Variants in MTOR observed in about 807,000 individuals in gnomAD.
MTOR encodes serine/threonine-protein kinase mTOR.
A neutral mutation model predicts 319.8 loss-of-function variants in MTOR; 70 were observed. That is an observed-to-expected ratio of 0.22 (90% confidence interval 0.18 to 0.27). The LOEUF is 0.27. Among genes scored for constraint, MTOR ranks in the 10% least tolerant of loss-of-function variants. The pLI is 1.00. For missense variants in MTOR, 1,890 were observed against 3,274.4 expected (o/e 0.58, Z 10.32); for synonymous variants, 1,183 against 1,211.4 (o/e 0.98, Z 0.49).
intron 28 of MTOR, chr1:11,195,263 C>CT: frequency 2.2e-6 from 1 of 456,036 alleles, no homozygotes; most frequent in Non-Finnish European, 3.9e-6. Flanking sequence ...AGGTGGTAGA[C>CT]TGAGTGGGGT....
intron 19 of MTOR, among the ~76,000 whole-genome samples, chr1:11,217,670 C>T (rs1646516970): frequency 6.6e-6 from 1 of 151,656 alleles, no homozygotes; most frequent in Non-Finnish European, 1.5e-5. Context: ...CTTGCCCTCC[C>T]AAAGTGCTGC....
Position 11,234,168 on chromosome 1 carries a change from C to T in MTOR, c.2306G>A (p.Arg769His), listed in dbSNP as rs753826002. The change falls in exon 14 of 58, where the codon CGC becomes CAC. Residue 769 changes from arginine (R) to histidine (H), a missense_variant. Physicochemically the swap from Arg to His is conservative, Grantham distance 29. This residue lies in a region of MTOR where 377 missense variants were observed against 653.9 expected (regional missense o/e 0.58). Transcript: ENST00000361445. ...CTTCAGAATAGGCTCCATGTAGGGG[C>T]GGATGAGTCGGGGGGCATTGGAGAC... ...HLVSNAPRLI[R>H]PYMEPILKAL... 3.7e-6 allele frequency: 6 copies of T among 1,614,144 alleles called. No homozygotes were observed. Among genetic ancestry groups the T allele is most frequent in the South Asian group, 1.1e-5 (1 of 91,080 alleles).
chr1:11,213,589 G>A (rs770777139), intron 20 of MTOR, 23 bp from the exon 21 acceptor site: 1 of 1,610,298 alleles, frequency 6.2e-7, no homozygotes, highest in Non-Finnish European at 8.5e-7. Context: ...AAAAGTCAGA[G>A]GAGCTGAGTC....
At chr1:11,255,893 T>C (rs1650339810) in intron 5 of MTOR, 99 bp downstream of exon 5, 1 of 1,143,914 alleles carries the variant, frequency 8.7e-7, no homozygotes, top group Non-Finnish European at 1.2e-6. Context: ...CAAAACGTGA[T>C]TCTTGCTCCA....
At chr1:11,136,301 AT>A (rs1438790922) in intron 36 of MTOR, among the ~76,000 whole-genome samples, 1 of 152,134 alleles carries the variant, frequency 6.6e-6, no homozygotes, top group Non-Finnish European at 1.5e-5. Flanking sequence ...ATGACAAACA[AT>A]TGATCAAGCA....
intron 13 of MTOR, among the ~76,000 whole-genome samples, chr1:11,236,164 TCTCA>T (rs1647215582): frequency 6.8e-6 from 1 of 147,444 alleles, no homozygotes; most frequent in South Asian, 2.2e-4. Flanking sequence ...TGAGATAGGG[TCTCA>T]CTCTGTCACC....
rs763148702 is a variant in MTOR at position 11,243,106 on chromosome 1, G to A, written c.1412+8C>T. 2.5e-6 allele frequency: 4 copies of A among 1,613,978 alleles called. No homozygotes were observed. In the Admixed American group the frequency reaches 6.7e-5, roughly 27 times the overall value. On this transcript the variant is annotated splice_region_variant and intron_variant, in intron 9 of 57. Coordinates refer to ENST00000361445, the MANE Select transcript of MTOR (RefSeq NM_004958.4). ...AGTGGAAGGTGAAATCATAACAGAG[G>A]TGCTTACTTATGGGCGAAGTCCTTT... is the stretch of plus-strand genomic sequence containing the variant.
At position 11,211,139 on chromosome 1, in the gene MTOR, C is replaced by T. The variant is rs541698733; in HGVS notation, c.3562-233G>A. Among the ~76,000 whole-genome samples, 33 of 152,280 alleles carry T rather than the reference C, an allele frequency of 2.2e-4. 1 individual carries two copies. The highest frequency in any genetic ancestry group is 6.0e-4 in the African/African-American group (25 of 41,562). ...AGATCTTTGCTTCTGCCCTTGCCCC[C>T]GCAGCCTATTTTCCCACATGGCATT... is the stretch of plus-strand genomic sequence containing the variant. On this transcript the variant is annotated intron_variant, in intron 23 of 57. Coordinates refer to ENST00000361445, the MANE Select transcript of MTOR (RefSeq NM_004958.4).
chr1:11,114,434 T>A lies in MTOR; in HGVS notation c.7184A>T (p.Asn2395Ile), dbSNP rs762729420. 5 of 1,614,182 alleles carry A rather than the reference T, an allele frequency of 3.1e-6. No homozygotes were observed. The change falls in exon 53 of 58, where the codon AAC becomes ATC. Residue 2395 changes from asparagine (N) to isoleucine (I), a missense_variant. This residue lies in a region of MTOR where 23 missense variants were observed against 81.7 expected (regional missense o/e 0.28). Transcript: ENST00000361445. ...NAMEVTGLDG[N>I]YRITCHTVME... ...CACTGTGTGGCATGTGATTCTGTAGTTGCCATCCAGGCCTGTAACCTAGAA... is the reference window on the plus strand; with the variant it reads ...CACTGTGTGGCATGTGATTCTGTAGATGCCATCCAGGCCTGTAACCTAGAA...
intron 31 of MTOR, among the ~76,000 whole-genome samples, chr1:11,148,917 T>TGC (rs1323361122): frequency 9.1e-6 from 1 of 110,422 alleles, no homozygotes; most frequent in East Asian, 3.6e-4. Flanking sequence ...AAATTATGTG[T>TGC]GTGTGTGTGT....
In MTOR at chr1:11,243,284, T is replaced by C. The variant is rs747856143; in HGVS notation, c.1242A>G (p.Gln414=). The C allele has an allele frequency of 3.1e-6, 5 of 1,614,112 alleles. No individual in the cohort carries two copies. In the South Asian group the frequency reaches 4.4e-5, roughly 14 times the overall value. ...AGCTTAGGACATGGTTCATGGTATC[T>C]TGGAGATACTGGGTATCTGAGCACA... The part of the protein sequence containing the change: ...PSAFTDTQYL[Q]DTMNHVLSCV... The change falls in exon 9 of 58, where the codon CAA becomes CAG. Residue 414 remains glutamine, a synonymous_variant. Coordinates refer to ENST00000361445, the MANE Select transcript of MTOR (RefSeq NM_004958.4).
chr1:11,181,092 A>G (rs2100665557), intron 28 of MTOR, among the ~76,000 whole-genome samples: 1 of 152,210 alleles, frequency 6.6e-6, no homozygotes, highest in Middle Eastern at 3.4e-3. Flanking sequence ...GGCAGTTTTT[A>G]TGGGGACATG....
intron 36 of MTOR, chr1:11,138,997 CA>C (rs1643561633): frequency 1.7e-5 from 5 of 299,944 alleles, no homozygotes. Flanking sequence ...TTTTTTGTAC[CA>C]AACAGTCCAT....
chr1:11,212,389 T>G lies in MTOR; in HGVS notation c.3484A>C (p.Thr1162Pro). The G allele has an allele frequency of 1.2e-6, 2 of 1,614,082 alleles. No homozygotes were observed. The highest frequency in any genetic ancestry group is 1.7e-6 in the Non-Finnish European group (2 of 1,179,998). Residue 1162 changes from threonine to proline, a missense_variant, in exon 23 of 58, where the codon ACA becomes CCA. By Grantham distance (38) the Thr-to-Pro change is conservative. Transcript: ENST00000361445. This position sits in a 1 kb window ranked among gnomAD's most constrained non-coding sequence, Gnocchi z 4.1. The stretch of plus-strand genomic sequence containing the variant: ...CGCAGTTCTGGGCTCTGGTCCAGTG[T>G]TCGAACAATAGGGTGAATGATCCGG... ...ASRIIHPIVR[T>P]LDQSPELRST...
chr1:11,112,791 C>T (rs1641959106), intron 54 of MTOR, 61 bp downstream of exon 54: 2 of 1,567,378 alleles, frequency 1.3e-6, no homozygotes, highest in Admixed American at 1.7e-5. Context: ...AAGCCCACCC[C>T]ACTCTACAAA....
rs148890042 is a variant in MTOR, at chr1:11,232,929, C to T, written c.2422-401G>A. ...AAAAAGCCCTCTCTTCCTTTCTCCA[C>T]CATCATGGTGTGTGCCTGACTCTGA... On this transcript the variant is annotated intron_variant, in intron 15 of 57. Coordinates refer to ENST00000361445, the MANE Select transcript of MTOR (RefSeq NM_004958.4). 1.2e-3 allele frequency: 805 copies of T among 683,100 alleles called. 2 individuals carry two copies. The African/African-American group carries it at 0.013, about 11-fold the overall frequency. The allele number at this position is 683,100 out of a possible 1,614,324, so 42.3% of individuals were successfully genotyped here.
intron 6 of MTOR, among the ~76,000 whole-genome samples, chr1:11,249,517 A>G (rs1405138208): frequency 1.3e-5 from 2 of 148,432 alleles, no homozygotes; most frequent in Non-Finnish European, 3.0e-5. Flanking sequence ...GTCAGCAGAT[A>G]AACAAGTGAA....
At position 11,231,022 on chromosome 1, in the gene MTOR, C is replaced by T; in HGVS notation, c.2682G>A (p.Leu894=). ...AIRVLGLLGA[L]DPYKHKVNIG... ...TGTTCACTTTGTGCTTGTAAGGATC[C>T]AAAGCCCCTAAAAGCCCTAACACAC... Residue 894 remains leucine, a synonymous_variant, in exon 18 of 58, where the codon TTG becomes TTA. Coordinates refer to ENST00000361445, the MANE Select transcript of MTOR (RefSeq NM_004958.4). 1 of 1,614,072 alleles carries T rather than the reference C, an allele frequency of 6.2e-7. No individual in the cohort carries two copies. The highest frequency in any genetic ancestry group is 8.5e-7 in the Non-Finnish European group (1 of 1,180,026).
chr1:11,191,683 T>A (rs1352247801), intron 28 of MTOR, among the ~76,000 whole-genome samples: 1 of 152,182 alleles, frequency 6.6e-6, no homozygotes, highest in Non-Finnish European at 1.5e-5. Flanking sequence ...TTAACAAAAC[T>A]TCTGGGAGGA....
Sources: gnomAD v4.1 joint callset for allele counts (sites outside exome capture counted in the v4.1 genomes callset) on GRCh38, gnomAD v4.1.1 for gene constraint, gnomAD v4.1.1 regional missense constraint, Gnocchi (gnomAD v3.1) non-coding constraint, MANE v1.5 for transcripts, NCBI Gene and HGNC (gene_info 2026-07-23, HGNC 2026-07-21) for gene names.